The following SLC35F3 variants were observed in gnomAD, a reference collection of about 807,000 sequenced individuals.
SLC35F3 encodes the protein putative thiamine transporter SLC35F3.
In SLC35F3, 25 loss-of-function variants were observed where a neutral mutation model predicts 49.9. That is an observed-to-expected ratio of 0.50 (90% confidence interval 0.37 to 0.70). The LOEUF is 0.70. SLC35F3 is among the 30% of genes least tolerant of loss of function. The pLI is 0.00. For synonymous variants in SLC35F3, 275 were observed against 265.4 expected, an observed-to-expected ratio of 1.04 and a Z score of -0.35; for missense variants, 525 against 639.8, an observed-to-expected ratio of 0.82 and a Z score of 1.94.
chr1:234,193,175 A>G (rs1666755202), intron 2 of SLC35F3, among the ~76,000 whole-genome samples: 1 of 152,192 alleles, frequency 6.6e-6, no homozygotes, highest in African/African-American at 2.4e-5. Flanking sequence ...GAGGCATCAC[A>G]CTACCTGACT....
intron 2 of SLC35F3, among the ~76,000 whole-genome samples, chr1:234,071,955 A>T (rs555949942): frequency 2.4e-4 from 36 of 152,338 alleles, no homozygotes; most frequent in African/African-American, 8.7e-4. Context: ...GCCTGGACAG[A>T]AAAAGGAATC....
chr1:234,014,806 A>T (rs1663778065), intron 2 of SLC35F3, among the ~76,000 whole-genome samples: 1 of 152,224 alleles, frequency 6.6e-6, no homozygotes, highest in Non-Finnish European at 1.5e-5. Flanking sequence ...AACTATAAAG[A>T]TCATTGAAAA....
chr1:234,207,174 C>A (rs1378500859), intron 2 of SLC35F3, among the ~76,000 whole-genome samples: 1 of 151,792 alleles, frequency 6.6e-6, no homozygotes, highest in African/African-American at 2.4e-5. Context: ...CACCTTGAGT[C>A]CAGTGCCCTG....
intron 2 of SLC35F3, among the ~76,000 whole-genome samples, chr1:234,038,439 T>C (rs1304556528): frequency 1.3e-5 from 2 of 151,868 alleles, no homozygotes; most frequent in Non-Finnish European, 2.9e-5. Context: ...TGCATGTGTC[T>C]TTATAGCAGC....
intron 2 of SLC35F3, among the ~76,000 whole-genome samples, chr1:234,143,288 CT>C (rs1352256091): frequency 0.018 from 2,273 of 123,422 alleles, 62 homozygotes; most frequent in African/African-American, 0.073. Flanking sequence ...CTTTTCTTTT[CT>C]TTTTTTTTTT....
intron 2 of SLC35F3, among the ~76,000 whole-genome samples, chr1:234,226,801 G>C (rs570836278): frequency 1.3e-5 from 2 of 152,268 alleles, no homozygotes; most frequent in East Asian, 3.9e-4. Flanking sequence ...CAAAAAGTGT[G>C]ATTTTGCAGG....
chr1:234,025,049 G>C (rs1256911095), intron 2 of SLC35F3, among the ~76,000 whole-genome samples: 1 of 152,154 alleles, frequency 6.6e-6, no homozygotes, highest in East Asian at 1.9e-4. Context: ...TTAGCTTCCC[G>C]TTATAAGGAG....
At chr1:233,984,282 A>G (rs1048053146) in intron 2 of SLC35F3, among the ~76,000 whole-genome samples, 4 of 152,228 alleles carry the variant, frequency 2.6e-5, no homozygotes, top group African/African-American at 9.6e-5. Flanking sequence ...TGAAAGTGTT[A>G]TAGAACTGAA....
intron 2 of SLC35F3, among the ~76,000 whole-genome samples, chr1:233,961,422 TC>T (rs1662798986): frequency 1.3e-5 from 2 of 149,828 alleles, no homozygotes; most frequent in South Asian, 4.3e-4. Flanking sequence ...GACTGACGTG[TC>T]CTCATTTCAG....
chr1:233,925,438 A>C (rs1209800688), intron 2 of SLC35F3, among the ~76,000 whole-genome samples: 1 of 151,966 alleles, frequency 6.6e-6, no homozygotes, highest in Admixed American at 6.6e-5. Context: ...CTGTTTTATC[A>C]GAGACTAGGA....
intron 2 of SLC35F3, among the ~76,000 whole-genome samples, chr1:234,097,718 G>T (rs1302545114): frequency 1.3e-5 from 2 of 152,202 alleles, no homozygotes; most frequent in Non-Finnish European, 2.9e-5. Flanking sequence ...TTGAAGTAAA[G>T]GAGAAGAAGG....
chr1:234,271,717 A>G (rs1260527294), intron 3 of SLC35F3, among the ~76,000 whole-genome samples: 2 of 152,256 alleles, frequency 1.3e-5, no homozygotes, highest in African/African-American at 4.8e-5. Flanking sequence ...GTACACAAAG[A>G]AAAACTAAAA....
chr1:234,234,992 G>A (rs527346855), intron 3 of SLC35F3, among the ~76,000 whole-genome samples: 1 of 152,244 alleles, frequency 6.6e-6, no homozygotes, highest in South Asian at 2.1e-4. Context: ...GCCTTGTGGT[G>A]GCCAATTTAA....
At chr1:233,916,977 T>G (rs77609191) in intron 2 of SLC35F3, among the ~76,000 whole-genome samples, 1 of 139,288 alleles carries the variant, frequency 7.2e-6, no homozygotes. Flanking sequence ...TCATTCCTTC[T>G]TCATTCAGTC....
At chr1:234,301,567 A>G (rs1209570199) in intron 3 of SLC35F3, among the ~76,000 whole-genome samples, 2 of 152,242 alleles carry the variant, frequency 1.3e-5, no homozygotes, top group Non-Finnish European at 2.9e-5. Context: ...CTGTGGAGAA[A>G]TAGGAACTTT....
At chr1:234,282,725 T>C (rs898621455) in intron 3 of SLC35F3, among the ~76,000 whole-genome samples, 1 of 152,212 alleles carries the variant, frequency 6.6e-6, no homozygotes, top group Non-Finnish European at 1.5e-5. Context: ...AGGTCCCCCA[T>C]TTAGCTCCTG....
At chr1:234,119,414 A>G (rs1665540289) in intron 2 of SLC35F3, among the ~76,000 whole-genome samples, 1 of 152,188 alleles carries the variant, frequency 6.6e-6, no homozygotes, top group Non-Finnish European at 1.5e-5. Flanking sequence ...GTCTCGTGGC[A>G]AAGCTAATTC....
chr1:234,184,152 A>G (rs2102925057), intron 2 of SLC35F3, among the ~76,000 whole-genome samples: 1 of 151,822 alleles, frequency 6.6e-6, no homozygotes, highest in East Asian at 1.9e-4. Context: ...AAAAAAAAAC[A>G]AAAAACCTAA....
chr1:233,940,361 C>T (rs1662399946), intron 2 of SLC35F3, among the ~76,000 whole-genome samples: 1 of 124,896 alleles, frequency 8.0e-6, no homozygotes, highest in African/African-American at 3.2e-5. Context: ...GACACACACA[C>T]ACACACACAG....
Sources: allele counts gnomAD v4.1 joint callset (sites outside exome capture counted in the v4.1 genomes callset), GRCh38; gene constraint gnomAD v4.1.1; transcripts MANE v1.5; gene names NCBI Gene and HGNC (gene_info 2026-07-23, HGNC 2026-07-21).